Variants in HOXA3 observed in about 807,000 individuals in gnomAD.
HOXA3 encodes homeobox protein Hox-A3.
A neutral mutation model predicts 30.3 loss-of-function variants in HOXA3; 8 were observed. That is an observed-to-expected ratio of 0.26 (90% confidence interval 0.15 to 0.48). HOXA3 has a LOEUF of 0.48. HOXA3 is among the 20% of genes least tolerant of loss of function. The pLI is 0.99. For missense variants in HOXA3, 653 were observed against 614.4 expected (o/e 1.06, Z -0.66); for synonymous variants, 323 against 273.1 (o/e 1.18, Z -1.80).
chr7:27,128,975 C>T, intron 2 of HOXA3: 2 of 568,012 alleles, frequency 3.5e-6, no homozygotes, highest in Non-Finnish European at 3.2e-6. Flanking sequence ...GTATCCACAC[C>T]TGGCAGCCTT....
intron 2 of HOXA3, chr7:27,130,845 T>TTCCCC: frequency 2.1e-6 from 2 of 934,952 alleles, no homozygotes; most frequent in Non-Finnish European, 3.1e-6. Context: ...CTCTGCGCCC[T>TTCCCC]TCCCCTCCCC....
rs1784199471 is a variant in HOXA3, at chr7:27,108,912, G to A, written c.527-192C>T. On this transcript the variant is annotated intron_variant, in intron 5 of 5. Transcript: ENST00000612286. This position sits in a 1 kb window ranked among gnomAD's most constrained non-coding sequence, Gnocchi z 5.0. ...CAGTGATACTCCCTCATTTAGCCAA[G>A]GAGCAAATCACAGCCTTCTCGGGGG... 6.6e-6 allele frequency among the ~76,000 whole-genome samples: 1 copy of A among 152,124 alleles called. No homozygotes were observed. The highest frequency in any genetic ancestry group is 6.5e-5 in the Admixed American group (1 of 15,278).
At chr7:27,114,779 G>C (rs1289974524) in intron 4 of HOXA3, among the ~76,000 whole-genome samples, 1 of 17,476 alleles carries the variant, frequency 5.7e-5, no homozygotes, top group Non-Finnish European at 1.6e-4. Context: ...GCAGGGCAGA[G>C]GAATATGTGG....
intron 4 of HOXA3, among the ~76,000 whole-genome samples, chr7:27,118,285 G>A (rs1284351282): frequency 6.6e-6 from 1 of 152,204 alleles, no homozygotes; most frequent in East Asian, 1.9e-4. Context: ...GAGGAGGTGG[G>A]TGCGTGGGGG....
intron 4 of HOXA3, among the ~76,000 whole-genome samples, chr7:27,114,744 T>TACACACACACACACACACAC (rs70994629): frequency 0.12 from 10,962 of 93,172 alleles, 1,303 homozygotes; most frequent in Non-Finnish European, 0.15. Flanking sequence ...ACCGACATCA[T>TACACACACACACACACACAC]ACACACACAC....
At chr7:27,138,399 T>G (rs1785778113) in intron 2 of HOXA3, among the ~76,000 whole-genome samples, 1 of 152,234 alleles carries the variant, frequency 6.6e-6, no homozygotes, top group Non-Finnish European at 1.5e-5. Flanking sequence ...AAATTCCAAA[T>G]CTATACTTTC....
intron 1 of HOXA3, chr7:27,143,744 G>T: frequency 7.1e-7 from 1 of 1,415,528 alleles, no homozygotes. Context: ...ACCCAAATAT[G>T]GGGTACGACT....
In HOXA3 at chr7:27,114,490, A is replaced by C. The variant is rs1249908243; in HGVS notation, c.-120-3730T>G. 3.3e-5 allele frequency among the ~76,000 whole-genome samples: 5 copies of C among 151,780 alleles called. 1 individual carries two copies. Among genetic ancestry groups the C allele is most frequent in the Admixed American group, 2.0e-4 (3 of 15,248 alleles). On this transcript the variant is annotated intron_variant, in intron 4 of 5. Transcript: ENST00000612286. ...ATAAGGCTTTTCTCTAGAGACCCTCAAGAGCCAACTGGGCTCTCTTTGGTT... is the reference window on the plus strand; with the variant it reads ...ATAAGGCTTTTCTCTAGAGACCCTCCAGAGCCAACTGGGCTCTCTTTGGTT...
chr7:27,137,952 CT>C (rs60453365), intron 2 of HOXA3, among the ~76,000 whole-genome samples: 9 of 150,196 alleles, frequency 6.0e-5, no homozygotes, highest in African/African-American at 1.2e-4. Flanking sequence ...CCCCGTCACT[CT>C]TTTTTTTTTC....
intron 1 of HOXA3, chr7:27,142,819 C>T: frequency 2.0e-6 from 1 of 494,648 alleles, no homozygotes; most frequent in Non-Finnish European, 3.5e-6. Flanking sequence ...CTTCCAACGT[C>T]TAAACTGTCC....
At chr7:27,129,621 G>T in intron 2 of HOXA3, 2 of 1,598,708 alleles carry the variant, frequency 1.3e-6, no homozygotes, top group Non-Finnish European at 1.7e-6. Context: ...GGGAGCGGAA[G>T]AGAGGGAAAG....
chr7:27,147,941 C>A (rs934119842), intron 1 of HOXA3, among the ~76,000 whole-genome samples: 5 of 152,240 alleles, frequency 3.3e-5, no homozygotes, highest in Non-Finnish European at 7.3e-5. Flanking sequence ...CCGCGGCGAC[C>A]GAGGCAGCAA....
chr7:27,110,752 C>G lies in HOXA3; in HGVS notation c.-112G>C, dbSNP rs548220414. ...GACACTCCGCCGCCAATGGCCGCCC[C>G]GCGCAGACCTGGTGGGGCGAGAAGC... On this transcript the variant is annotated 5_prime_UTR_variant, in exon 5 of 6. Transcript: ENST00000612286. 44 of 1,529,328 alleles carry G rather than the reference C, an allele frequency of 2.9e-5. No individual in the cohort carries two copies. The highest frequency in any genetic ancestry group is 3.3e-5 in the Non-Finnish European group (37 of 1,124,864). 94.7% of individuals were successfully genotyped at this position (1,529,328 alleles called of 1,614,324 possible). A position where few individuals can be genotyped will look rare whatever the true frequency, so the allele number is the denominator to read the frequency against.
In HOXA3 at chr7:27,117,894, C is replaced by A. The variant is rs541619959; in HGVS notation, c.-121+4665G>T. 1.5e-3 allele frequency among the ~76,000 whole-genome samples: 233 copies of A among 152,314 alleles called. 1 individual carries two copies. Among genetic ancestry groups the A allele is most frequent in the Non-Finnish European group, 2.5e-3 (171 of 68,020 alleles). Reference sequence around the variant, plus strand: ...GCCCTGCTGCAGTGGACAAAGCCACCCTTGCACTGGGGGCCACTGGGCCCA... The same window carrying A: ...GCCCTGCTGCAGTGGACAAAGCCACACTTGCACTGGGGGCCACTGGGCCCA... On this transcript the variant is annotated intron_variant, in intron 4 of 5. Transcript: ENST00000612286.
At chr7:27,120,821 C>A (rs921874749) in intron 4 of HOXA3, 1 of 152,222 alleles carries the variant, frequency 6.6e-6, no homozygotes, top group African/African-American at 2.4e-5. Flanking sequence ...GAGATCTTGG[C>A]CTGGGCAGCC....
chr7:27,127,143 T>C (rs183882845), intron 2 of HOXA3, 73 bp from the exon 3 acceptor site: 1 of 152,294 alleles, frequency 6.6e-6, no homozygotes, highest in Non-Finnish European at 1.5e-5. Context: ...ATTTTCAGCG[T>C]GATTTAATTT....
chr7:27,108,659 C>T lies in HOXA3; in HGVS notation c.588G>A (p.Thr196=), dbSNP rs780897021. 5 of 1,613,434 alleles carry T rather than the reference C, an allele frequency of 3.1e-6. No individual in the cohort carries two copies. The African/African-American group carries it at 4.0e-5, about 13-fold the overall frequency. Reference sequence around the variant, plus strand: ...CCACCAGCTGCGCGCTCGTGTAGGCCGTGCGCGCGCGCTTGGACGAAGCCT... The same window carrying T: ...CCACCAGCTGCGCGCTCGTGTAGGCTGTGCGCGCGCGCTTGGACGAAGCCT... ...PGQASSKRAR[T]AYTSAQLVEL... is the part of the protein sequence containing the mutation. Residue 196 remains threonine (T), a synonymous_variant, in exon 6 of 6, where the codon ACG becomes ACA. Coordinates refer to ENST00000612286, the MANE Select transcript of HOXA3 (RefSeq NM_153631.3). The surrounding 1 kb of genome is among the most constrained non-coding windows in gnomAD (Gnocchi z 5.0).
intron 2 of HOXA3, among the ~76,000 whole-genome samples, chr7:27,137,886 C>G (rs939118410): frequency 2.0e-5 from 3 of 152,126 alleles, no homozygotes; most frequent in African/African-American, 7.2e-5. Flanking sequence ...TGGAATATGG[C>G]CATGAAGTAG....
intron 1 of HOXA3, chr7:27,142,889 G>A (rs550632768): frequency 4.5e-6 from 3 of 666,482 alleles, no homozygotes; most frequent in South Asian, 4.3e-5. Flanking sequence ...AGAAGAGGAG[G>A]AAGGAGGAAG....
Sources: allele counts gnomAD v4.1 joint callset (sites outside exome capture counted in the v4.1 genomes callset), GRCh38; gene constraint gnomAD v4.1.1; non-coding constraint Gnocchi (gnomAD v3.1); transcripts MANE v1.5; gene names NCBI Gene and HGNC (gene_info 2026-07-23, HGNC 2026-07-21).